The following PCLO variants were observed in gnomAD, a reference collection of about 807,000 sequenced individuals.
The protein encoded by PCLO is piccolo presynaptic cytomatrix protein, also known as protein piccolo.
Under a neutral mutation model 427.5 loss-of-function variants are expected in PCLO, and 82 were observed. That is an observed-to-expected ratio of 0.19 (90% CI 0.16 to 0.23). The LOEUF (loss-of-function observed/expected upper bound fraction) is 0.23, where lower values mean the gene tolerates loss of function less well. Ranked by LOEUF, PCLO falls within the 10% of genes least tolerant of loss-of-function variation. The probability of loss-of-function intolerance (pLI) is 1.00; values close to 1 mark genes in which losing one functional copy is unlikely to be tolerated. For synonymous variants in PCLO, 2,357 were observed against 2,155.4 expected (o/e 1.09, Z -2.59); for missense variants, 6,239 against 6,115.9 (o/e 1.02, Z -0.67).
At chr7:83,139,198 A>G (rs1257032964) in intron 2 of PCLO, among the ~76,000 whole-genome samples, 14 of 152,202 alleles carry the variant, frequency 9.2e-5, no homozygotes, top group Non-Finnish European at 4.4e-5. Context: ...AATAAAGTAC[A>G]ATGAATGAAG....
chr7:82,966,366 G>A lies in PCLO; in HGVS notation c.3422C>T (p.Thr1141Ile), dbSNP rs762244743. The change falls in exon 4 of 25, where the codon ACA becomes ATA. Residue 1141 changes from threonine to isoleucine, a missense_variant. By Grantham distance (89) the Thr-to-Ile change is moderately conservative. Around this residue, in one of 5 missense-constraint regions of PCLO, gnomAD observed 4,677 missense variants for 4,468.4 expected, o/e 1.05. Transcript: ENST00000333891. The stretch of plus-strand genomic sequence containing the variant: ...TGCTGTTTTCTGAGATGATGATTCT[G>A]TAGGAACAGGCATAGGAGATGCTTT... ...GPKASPMPVPTESSSQKTAVP... is the reference protein window; with the variant it reads ...GPKASPMPVPIESSSQKTAVP... 6.2e-7 allele frequency: 1 copy of A among 1,613,730 alleles called. No individual in the cohort carries two copies. The highest frequency in any genetic ancestry group is 1.1e-5 in the South Asian group (1 of 91,074).
At chr7:82,871,031 A>G (rs1793222498) in intron 10 of PCLO, among the ~76,000 whole-genome samples, 1 of 152,056 alleles carries the variant, frequency 6.6e-6, no homozygotes, top group Non-Finnish European at 1.5e-5. Context: ...TAGTCCAACC[A>G]CTATAAAAAA....
chr7:82,920,409 T>G (rs1243551894), intron 6 of PCLO, among the ~76,000 whole-genome samples: 1 of 151,374 alleles, frequency 6.6e-6, no homozygotes, highest in Non-Finnish European at 1.5e-5. Flanking sequence ...GCCTTTAATC[T>G]AGAAAAAAAA....
intron 14 of PCLO, among the ~76,000 whole-genome samples, chr7:82,840,579 C>T (rs1047350997): frequency 6.6e-6 from 1 of 152,042 alleles, no homozygotes; most frequent in African/African-American, 2.4e-5. Context: ...GCTGATTCTT[C>T]AACCATTACT....
chr7:82,939,689 A>C (rs1199604152), intron 6 of PCLO, among the ~76,000 whole-genome samples: 2 of 148,494 alleles, frequency 1.3e-5, no homozygotes, highest in Non-Finnish European at 3.0e-5. Flanking sequence ...ATATAGATAT[A>C]TTTTCCACTG....
intron 3 of PCLO, among the ~76,000 whole-genome samples, chr7:83,046,867 A>C (rs529684688): frequency 6.6e-6 from 1 of 152,160 alleles, no homozygotes; most frequent in Non-Finnish European, 1.5e-5. Context: ...GGAACATTAA[A>C]AGCAAAGCTG....
intron 3 of PCLO, among the ~76,000 whole-genome samples, chr7:83,057,323 T>TATATATATATATATATACATATAC (rs1789408687): frequency 1.1e-4 from 1 of 9,268 alleles, no homozygotes; most frequent in Non-Finnish European, 1.8e-4. Flanking sequence ...TATACATATA[T>TATATATATATATATATACATATAC]ATATATATAT....
At chr7:82,970,942 G>C (rs774783512) in intron 3 of PCLO, among the ~76,000 whole-genome samples, 2 of 151,658 alleles carry the variant, frequency 1.3e-5, no homozygotes, top group Non-Finnish European at 3.0e-5. Flanking sequence ...AGAAAAATTT[G>C]CTTCTCCCAA....
rs1792127236 is a variant in PCLO at position 83,151,453 on chromosome 7, T to G, written c.1893+3295A>C. Among the ~76,000 whole-genome samples the G allele has an allele frequency of 3.3e-5, 5 of 152,230 alleles. No homozygotes were observed. The South Asian group carries it at 1.0e-3, about 31-fold the overall frequency. On this transcript the variant is annotated intron_variant, in intron 2 of 24. Coordinates refer to ENST00000333891, the MANE Select transcript of PCLO (RefSeq NM_033026.6). ...AATTTTCAGTTAATCTTCCAGTGTG[T>G]CTGGCAGAGAGCATGTTATTATTTT... is the stretch of plus-strand genomic sequence containing the variant.
Position 83,155,827 on chromosome 7 carries a change from A to T in PCLO, c.814T>A (p.Leu272Met), listed in dbSNP as rs749828837. 52 of 1,613,652 alleles carry T rather than the reference A, an allele frequency of 3.2e-5. No individual in the cohort carries two copies. Among genetic ancestry groups the T allele is most frequent in the Non-Finnish European group, 5.1e-6 (6 of 1,179,838 alleles). The change falls in exon 2 of 25, where the codon TTG becomes ATG. Residue 272 changes from leucine to methionine, a missense_variant. Physicochemically the swap from Leu to Met is conservative, Grantham distance 15. Transcript: ENST00000333891. ...CTGGATGCATCTCGTTGAAGTGGCA[A>T]TTTTGCATGGTCTGTCTGAGGAGTC... is the stretch of plus-strand genomic sequence containing the variant. ...TQTPQTDHAK[L>M]PLQRDASRPQ...
chr7:83,013,359 T>C lies in PCLO; in HGVS notation c.3301-46872A>G, dbSNP rs189806248. 5.3e-5 allele frequency among the ~76,000 whole-genome samples: 8 copies of C among 152,308 alleles called. No individual in the cohort carries two copies. The East Asian group carries it at 1.4e-3, about 26-fold the overall frequency. On this transcript the variant is annotated intron_variant, in intron 3 of 24. Transcript: ENST00000333891. Reference sequence around the variant, plus strand: ...TTATTACATGATACCTTATGAATTATATATGCCTTCTCGTATATTCAGTCT... The same window carrying C: ...TTATTACATGATACCTTATGAATTACATATGCCTTCTCGTATATTCAGTCT...
At chr7:82,779,784 C>T (rs1450396398) in intron 22 of PCLO, among the ~76,000 whole-genome samples, 1 of 148,280 alleles carries the variant, frequency 6.7e-6, no homozygotes, top group Non-Finnish European at 1.5e-5. Flanking sequence ...CTCTGTTGCC[C>T]AGGTGGAGTG....
chr7:82,768,279 C>G (rs959400922), intron 22 of PCLO, among the ~76,000 whole-genome samples: 1 of 151,888 alleles, frequency 6.6e-6, no homozygotes, highest in African/African-American at 2.4e-5. Flanking sequence ...AAAAATTAGC[C>G]AGGCCTGGTG....
At position 82,951,297 on chromosome 7, in the gene PCLO, T is replaced by A; in HGVS notation, c.9291A>T (p.Thr3097=). 6.2e-7 allele frequency: 1 copy of A among 1,612,980 alleles called. No individual in the cohort carries two copies. Among genetic ancestry groups the A allele is most frequent in the Non-Finnish European group, 8.5e-7 (1 of 1,179,490 alleles). The change falls in exon 6 of 25, where the codon ACA becomes ACT. Residue 3097 remains threonine, a synonymous_variant. Coordinates refer to ENST00000333891, the MANE Select transcript of PCLO (RefSeq NM_033026.6). ...GVVYSSVATP[T]PSTFAITTQP... ...GTGTGGTGATAGCAAATGTAGAGGG[T>A]GTTGGAGTTGCTACTGAAGAATAGA...
At chr7:82,999,878 ATAT>A in intron 3 of PCLO, among the ~76,000 whole-genome samples, 1 of 122,964 alleles carries the variant, frequency 8.1e-6, no homozygotes, top group Non-Finnish European at 1.6e-5. Context: ...ATAATATATA[ATAT>A]TATATATAAT....
At chr7:82,802,874 C>T (rs188060292) in intron 21 of PCLO, among the ~76,000 whole-genome samples, 54 of 152,172 alleles carry the variant, frequency 3.5e-4, no homozygotes, top group Non-Finnish European at 6.0e-4. Context: ...TAAAAGAACA[C>T]ATGTAAATTC....
chr7:82,981,522 T>C (rs1159699200), intron 3 of PCLO, among the ~76,000 whole-genome samples: 1 of 152,104 alleles, frequency 6.6e-6, no homozygotes, highest in Non-Finnish European at 1.5e-5. Flanking sequence ...AAATGACATA[T>C]GTCAAAAAGG....
At chr7:83,087,138 G>A (rs1420368108) in intron 3 of PCLO, among the ~76,000 whole-genome samples, 1 of 151,568 alleles carries the variant, frequency 6.6e-6, no homozygotes, top group Non-Finnish European at 1.5e-5. Flanking sequence ...GAGTTAATAG[G>A]TGCAGCATAC....
chr7:82,776,574 C>G (rs1401567962), intron 22 of PCLO, among the ~76,000 whole-genome samples: 1 of 152,218 alleles, frequency 6.6e-6, no homozygotes, highest in Non-Finnish European at 1.5e-5. Context: ...GCTGGCAGAT[C>G]ACTTGAAATC....
Sources: gnomAD v4.1 joint callset for allele counts (sites outside exome capture counted in the v4.1 genomes callset) on GRCh38, gnomAD v4.1.1 for gene constraint, gnomAD v4.1.1 regional missense constraint, MANE v1.5 for transcripts, NCBI Gene and HGNC (gene_info 2026-07-23, HGNC 2026-07-21) for gene names.